FMN2: variants seen among roughly 807,000 people sequenced by gnomAD.
FMN2 encodes the protein formin 2.
FMN2 carries 51 observed loss-of-function variants against 142.3 expected under a neutral mutation model. The ratio of observed to expected loss-of-function variants is 0.36; its 90% CI spans 0.29 to 0.45. The LOEUF (loss-of-function observed/expected upper bound fraction) is 0.45, where lower values mean the gene tolerates loss of function less well. Ranked by LOEUF, FMN2 falls within the 20% of genes least tolerant of loss-of-function variation. FMN2 has a pLI of 1.00. For missense variants in FMN2, 1,936 were observed against 2,122.8 expected (o/e 0.91, Z 1.73); for synonymous variants, 882 against 869.8 (o/e 1.01, Z -0.25).
intron 14 of FMN2, among the ~76,000 whole-genome samples, chr1:240,378,471 G>T (rs1054584708): frequency 1.3e-5 from 2 of 152,234 alleles, no homozygotes; most frequent in South Asian, 2.1e-4. Flanking sequence ...CTTTCTTGAG[G>T]TTAATTGGGC....
intron 2 of FMN2, among the ~76,000 whole-genome samples, chr1:240,148,297 GAC>G (rs1206440712): frequency 1.6e-4 from 7 of 43,126 alleles, no homozygotes; most frequent in African/African-American, 2.3e-4. Flanking sequence ...GACAGACAGA[GAC>G]AGAGAGAGAG....
chr1:240,140,277 CTG>C (rs1385464209), intron 2 of FMN2, among the ~76,000 whole-genome samples: 3 of 152,178 alleles, frequency 2.0e-5, no homozygotes, highest in African/African-American at 7.2e-5. Context: ...GTACCAGGCT[CTG>C]TTTTAAGCAC....
chr1:240,314,891 T>C (rs1670721263), intron 8 of FMN2, among the ~76,000 whole-genome samples: 1 of 152,232 alleles, frequency 6.6e-6, no homozygotes, highest in Non-Finnish European at 1.5e-5. Context: ...TTTGAGAACA[T>C]TAACAAGCCT....
chr1:240,311,133 C>T (rs73122349), intron 8 of FMN2, among the ~76,000 whole-genome samples: 3,873 of 152,168 alleles, frequency 0.025, 176 homozygotes, highest in African/African-American at 0.088. Context: ...TAAATTTACA[C>T]TTCTCAGGAT....
intron 10 of FMN2, 77 bp from the exon 11 acceptor site, chr1:240,330,526 G>A (rs1368309068): frequency 6.9e-7 from 1 of 1,455,168 alleles, no homozygotes; most frequent in African/African-American, 1.4e-5. Context: ...AATATAAATA[G>A]CTGGCATCAA....
At chr1:240,292,839 G>A (rs918198205) in intron 7 of FMN2, among the ~76,000 whole-genome samples, 1 of 152,030 alleles carries the variant, frequency 6.6e-6, no homozygotes, top group Non-Finnish European at 1.5e-5. Context: ...TCATCTGTCA[G>A]TATTTAATCT....
intron 13 of FMN2, among the ~76,000 whole-genome samples, chr1:240,342,252 C>A (rs1164519113): frequency 6.6e-6 from 1 of 152,170 alleles, no homozygotes; most frequent in East Asian, 1.9e-4. Flanking sequence ...AAAGCTCAGG[C>A]TATAAATTGA....
chr1:240,147,313 C>G (rs757280899), intron 2 of FMN2, among the ~76,000 whole-genome samples: 61 of 152,306 alleles, frequency 4.0e-4, no homozygotes, highest in Non-Finnish European at 6.6e-4. Flanking sequence ...AAGGCTGACT[C>G]TACATCTTGT....
chr1:240,205,127 C>T (rs905369400), intron 4 of FMN2, among the ~76,000 whole-genome samples: 42 of 152,236 alleles, frequency 2.8e-4, no homozygotes, highest in African/African-American at 8.9e-4. Flanking sequence ...GCATGTGGAC[C>T]TATGGCTGTT....
chr1:240,417,537 T>C lies in FMN2; in HGVS notation c.4911-20524T>C, dbSNP rs117515987. On this transcript the variant is annotated intron_variant, in intron 15 of 17. Transcript: ENST00000319653. ...AGTCATATTTGCAAGGGAACTTTTT[T>C]TGGTGTCATCTGTTTGCCCAGTGCC... 3.7e-4 allele frequency among the ~76,000 whole-genome samples: 56 copies of C among 152,170 alleles called. 1 individual carries two copies. In the East Asian group the frequency reaches 9.9e-3, roughly 27 times the overall value.
chr1:240,198,444 C>G (rs1666001950), intron 4 of FMN2, among the ~76,000 whole-genome samples: 1 of 152,160 alleles, frequency 6.6e-6, no homozygotes. Flanking sequence ...TCTCAGTCAT[C>G]CGTGAAGGAA....
chr1:240,201,962 C>A (rs73112895), intron 4 of FMN2, among the ~76,000 whole-genome samples: 3,201 of 152,222 alleles, frequency 0.021, 123 homozygotes, highest in African/African-American at 0.073. Context: ...ACTTTTGAGG[C>A]CACCATTGCA....
At chr1:240,407,181 A>T (rs530037486) in intron 15 of FMN2, among the ~76,000 whole-genome samples, 2 of 151,428 alleles carry the variant, frequency 1.3e-5, no homozygotes, top group African/African-American at 4.9e-5. Context: ...TCTGTAGCCC[A>T]GGCTGGAGTT....
At chr1:240,146,475 G>A (rs1346722066) in intron 2 of FMN2, among the ~76,000 whole-genome samples, 1 of 151,638 alleles carries the variant, frequency 6.6e-6, no homozygotes, top group East Asian at 1.9e-4. Flanking sequence ...GGCCAAGGCG[G>A]GCAGATCACT....
At chr1:240,467,133 A>T (rs1676648814) in intron 16 of FMN2, among the ~76,000 whole-genome samples, 1 of 152,202 alleles carries the variant, frequency 6.6e-6, no homozygotes, top group African/African-American at 2.4e-5. Flanking sequence ...GGCAAAGTAC[A>T]GTGTTGGGTC....
chr1:240,222,401 T>C (rs1667153137), intron 6 of FMN2, among the ~76,000 whole-genome samples: 1 of 152,150 alleles, frequency 6.6e-6, no homozygotes, highest in Non-Finnish European at 1.5e-5. Flanking sequence ...AGCCTTGTAG[T>C]AGAGTTTGAA....
intron 3 of FMN2, among the ~76,000 whole-genome samples, chr1:240,184,943 T>TACCTTCCCCTTCTCTTTCTCCCTCCTAC (rs1665344755): frequency 2.1e-5 from 3 of 145,844 alleles, no homozygotes; most frequent in African/African-American, 7.7e-5. Context: ...CTCCCTCCTA[T>TACCTTCCCCTTCTCTTTCTCCCTCCTAC]ACCTTCCCCT....
intron 8 of FMN2, among the ~76,000 whole-genome samples, chr1:240,305,618 A>G (rs1033719561): frequency 6.6e-6 from 1 of 152,234 alleles, no homozygotes; most frequent in African/African-American, 2.4e-5. Context: ...AGTGAAAACA[A>G]TAGTATTACG....
chr1:240,204,063 G>A (rs1666233418), intron 4 of FMN2, among the ~76,000 whole-genome samples: 1 of 151,740 alleles, frequency 6.6e-6, no homozygotes, highest in South Asian at 2.1e-4. Context: ...GCCTATGAAA[G>A]TGTGTTACAT....
Sources: allele counts gnomAD v4.1 joint callset (sites outside exome capture counted in the v4.1 genomes callset), GRCh38; gene constraint gnomAD v4.1.1; transcripts MANE v1.5; gene names NCBI Gene and HGNC (gene_info 2026-07-23, HGNC 2026-07-21).